Variants in TRMT44 observed in about 807,000 individuals in gnomAD.
The protein encoded by TRMT44 is tRNA methyltransferase 44 homolog, also known as probable tRNA (uracil-O(2)-)-methyltransferase.
Under a neutral mutation model 77.3 loss-of-function variants are expected in TRMT44, and 78 were observed. The ratio of observed to expected loss-of-function variants is 1.01; its 90% confidence interval spans 0.84 to 1.22. The LOEUF is 1.22. Among genes scored for constraint, TRMT44 ranks in the 50% most tolerant of loss-of-function variants. TRMT44 has a pLI of 0.00. For synonymous variants in TRMT44, 391 were observed against 383.3 expected, an observed-to-expected ratio of 1.02 and a Z score of -0.23; for missense variants, 1,090 against 964.4, an observed-to-expected ratio of 1.13 and a Z score of -1.73.
At chr4:8,474,344 G>A (rs187860918) in intron 10 of TRMT44, among the ~76,000 whole-genome samples, 2 of 152,156 alleles carry the variant, frequency 1.3e-5, no homozygotes, top group East Asian at 1.9e-4. Flanking sequence ...GCAGAGTGTC[G>A]CGGGACTGCC....
chr4:8,449,222 C>T (rs997593337), intron 2 of TRMT44, among the ~76,000 whole-genome samples: 18 of 152,178 alleles, frequency 1.2e-4, no homozygotes, highest in African/African-American at 1.9e-4. Context: ...CAAAATAAGC[C>T]GGCAAAATGC....
In TRMT44 at chr4:8,446,590, G is replaced by A; in HGVS notation, c.734G>A (p.Trp245Ter). The A allele has an allele frequency of 6.6e-7, 1 of 1,524,554 alleles. No individual in the cohort carries two copies. Among genetic ancestry groups the A allele is most frequent in the Non-Finnish European group, 8.8e-7 (1 of 1,136,408 alleles). The allele number at this position is 1,524,554 out of a possible 1,614,324, so 94.4% of individuals were successfully genotyped here. The change falls in exon 2 of 11, where the codon TGG becomes TAG. Residue 245 changes from tryptophan (W) to a stop codon, truncating the protein, a stop_gained and splice_region_variant. Coordinates refer to ENST00000389737, the MANE Select transcript of TRMT44 (RefSeq NM_152544.3). LOFTEE classifies it high-confidence loss of function. This position sits in a 1 kb window ranked among gnomAD's most constrained non-coding sequence, Gnocchi z 4.3. ...CAGCTCAGTCATAGCAAAGAAGAAT[G>A]GTAAGAGCTGGACAGTGGACTCCTA... ...QIQLSHSKEE[W>*]FISVLIFCPE...
the TRMT44 span, among the ~76,000 whole-genome samples, chr4:8,502,350 G>C: frequency 5.3e-5 from 8 of 152,182 alleles, no homozygotes; most frequent in Non-Finnish European, 1.0e-4. Context: ...TCAGGTGGAG[G>C]GAGAGGAAGC....
Position 8,475,815 on chromosome 4 carries a change from A to G in TRMT44, c.2088A>G (p.Thr696=), listed in dbSNP as rs1302483410. The G allele has an allele frequency of 1.2e-6, 2 of 1,614,066 alleles. No individual in the cohort carries two copies. Among genetic ancestry groups the G allele is most frequent in the East Asian group, 2.2e-5 (1 of 44,896 alleles). Residue 696 remains threonine (T), a synonymous_variant, in exon 11 of 11, where the codon ACA becomes ACG. Transcript: ENST00000389737. ...ACATCCGCGACTGGCGAGAGGAGAC[A>G]CTGTGGAAGACAAAGCAACCGGAAG... ...RVHIRDWREE[T]LWKTKQPEAK...
intron 10 of TRMT44, among the ~76,000 whole-genome samples, chr4:8,474,959 T>G (rs957634751): frequency 1.3e-5 from 2 of 152,126 alleles, no homozygotes; most frequent in African/African-American, 2.4e-5. Flanking sequence ...CTCCCCAGTT[T>G]GGAGATCAGC....
chr4:8,471,169 G>A lies in TRMT44; in HGVS notation c.2013G>A (p.Thr671=), dbSNP rs376903780. 3.2e-5 allele frequency: 51 copies of A among 1,606,520 alleles called. No homozygotes were observed. Among genetic ancestry groups the A allele is most frequent in the African/African-American group, 1.7e-4 (13 of 74,500 alleles). The change falls in exon 10 of 11, where the codon ACG becomes ACA. Residue 671 remains threonine (T), a synonymous_variant. Coordinates refer to ENST00000389737, the MANE Select transcript of TRMT44 (RefSeq NM_152544.3). ...AGCGGGAGTGTGGGGGCCTGCAGAC[G>A]CTGCTCCGGAACAGCCACCAGGTGT... ...RLKRECGGLQ[T]LLRNSHQVFQ... is the part of the protein sequence containing the mutation.
At position 8,468,080 on chromosome 4, in the gene TRMT44, G is replaced by C. The variant is rs1726723787; in HGVS notation, c.1661G>C (p.Cys554Ser). 1 of 1,613,832 alleles carries C rather than the reference G, an allele frequency of 6.2e-7. No homozygotes were observed. Among genetic ancestry groups the C allele is most frequent in the Admixed American group, 1.7e-5 (1 of 60,008 alleles). Residue 554 changes from cysteine to serine, a missense_variant, in exon 9 of 11, where the codon TGT (cysteine) becomes TCT (serine). Physicochemically the swap from Cys to Ser is moderately radical, Grantham distance 112. Coordinates refer to ENST00000389737, the MANE Select transcript of TRMT44 (RefSeq NM_152544.3). ...RWVAAGSAGH[C>S]DGQQALDARV... The stretch of plus-strand genomic sequence containing the variant: ...GTTGCTGCTGGCAGTGCTGGTCACT[G>C]TGACGGTCAGCAAGCTCTGGACGCC...
chr4:8,489,613 A>T (rs1339572998), intron 2 of TRMT44, among the ~76,000 whole-genome samples: 2 of 152,062 alleles, frequency 1.3e-5, no homozygotes, highest in Non-Finnish European at 2.9e-5. Flanking sequence ...AGTGGCTGGG[A>T]TTACAGGTGT....
Position 8,441,393 on chromosome 4 carries a change from A to C in TRMT44, c.571A>C (p.Ser191Arg). 6.5e-7 allele frequency: 1 copy of C among 1,530,558 alleles called. No individual in the cohort carries two copies. Among genetic ancestry groups the C allele is most frequent in the South Asian group, 1.2e-5 (1 of 83,442 alleles). The allele number at this position is 1,530,558 out of a possible 1,614,324, so 94.8% of individuals were successfully genotyped here. ...TCTCAGAACCGTCATCCCGAAAACT[A>C]GCCCACATTGCCCCCTTACAACTCC... ...VVLRTVIPKT[S>R]PHCPLTTPRR... is the part of the protein sequence containing the mutation. The change falls in exon 1 of 11, where the codon AGC becomes CGC. Residue 191 changes from serine (S) to arginine (R), a missense_variant. Coordinates refer to ENST00000389737, the MANE Select transcript of TRMT44 (RefSeq NM_152544.3).
At chr4:8,493,590 G>T (rs370486759), downstream of TRMT44, 4 of 152,146 alleles carry the variant, frequency 2.6e-5, no homozygotes, top group East Asian at 7.7e-4. Flanking sequence ...GTAGGCAGTG[G>T]GCAAGGAGAA....
the TRMT44 span, among the ~76,000 whole-genome samples, chr4:8,508,328 A>C: frequency 6.6e-6 from 1 of 152,248 alleles, no homozygotes; most frequent in African/African-American, 2.4e-5. Flanking sequence ...TGTTATTAGC[A>C]GGGGCTGCGG....
At chr4:8,464,245 T>A (rs1726371159) in intron 7 of TRMT44, among the ~76,000 whole-genome samples, 154 bp downstream of exon 7, 2 of 152,260 alleles carry the variant, frequency 1.3e-5, no homozygotes, top group African/African-American at 4.8e-5. Flanking sequence ...ATTGCCTGTA[T>A]TGGGTTAAAT....
chr4:8,470,763 C>G (rs573050858), intron 9 of TRMT44, among the ~76,000 whole-genome samples: 8 of 152,204 alleles, frequency 5.3e-5, no homozygotes, highest in South Asian at 4.1e-4. Flanking sequence ...CAGCCACCCC[C>G]CTTCATGGGT....
intron 2 of TRMT44, among the ~76,000 whole-genome samples, chr4:8,491,935 C>T (rs550644052): frequency 1.6e-4 from 24 of 152,348 alleles, no homozygotes; most frequent in African/African-American, 2.2e-4. Context: ...TGAGAGCGAG[C>T]GAGGGCTGTG....
In TRMT44 at chr4:8,451,020, G is replaced by A. The variant is rs1409079682; in HGVS notation, c.955-940G>A. On this transcript the variant is annotated intron_variant, in intron 3 of 10. Coordinates refer to ENST00000389737, the MANE Select transcript of TRMT44 (RefSeq NM_152544.3). This position sits in a 1 kb window ranked among gnomAD's most constrained non-coding sequence, Gnocchi z 4.1. ...AGGGCTCAAGTGTTCTGCCTGCTTTGGCCTCCTAAAGTGCTTGGATTACAG... is the reference window on the plus strand; with the variant it reads ...AGGGCTCAAGTGTTCTGCCTGCTTTAGCCTCCTAAAGTGCTTGGATTACAG... Among the ~76,000 whole-genome samples, 1 of 151,202 alleles carries A rather than the reference G, an allele frequency of 6.6e-6. No homozygotes were observed. Among genetic ancestry groups the A allele is most frequent in the Non-Finnish European group, 1.5e-5 (1 of 67,790 alleles).
At chr4:8,463,530 G>T (rs1411517329) in intron 6 of TRMT44, among the ~76,000 whole-genome samples, 1 of 152,176 alleles carries the variant, frequency 6.6e-6, no homozygotes, top group Non-Finnish European at 1.5e-5. Flanking sequence ...TGGTTTCCTA[G>T]ATTGAAAGGC....
intron 1 of TRMT44, among the ~76,000 whole-genome samples, chr4:8,445,314 TA>T (rs1488769250): frequency 1.3e-5 from 2 of 152,192 alleles, no homozygotes. Context: ...TTAAATGAGA[TA>T]ATTCATGGAA....
intron 2 of TRMT44, among the ~76,000 whole-genome samples, chr4:8,447,999 G>A (rs1312826366): frequency 3.3e-5 from 5 of 152,196 alleles, no homozygotes. Context: ...ACAAGCTACT[G>A]AGGACGTGGC....
intron 6 of TRMT44, among the ~76,000 whole-genome samples, chr4:8,456,392 T>C (rs1725811842): frequency 6.6e-6 from 1 of 152,186 alleles, no homozygotes. Context: ...ACAATGCCAC[T>C]GGTGATGCTG....
Sources: gnomAD v4.1 joint callset for allele counts (sites outside exome capture counted in the v4.1 genomes callset) on GRCh38, gnomAD v4.1.1 for gene constraint, Gnocchi (gnomAD v3.1) non-coding constraint, MANE v1.5 for transcripts, NCBI Gene and HGNC (gene_info 2026-07-23, HGNC 2026-07-21) for gene names.